ABCB5: variants seen among roughly 807,000 people sequenced by gnomAD.
The protein encoded by ABCB5 is ATP binding cassette subfamily B member 5.
Under a neutral mutation model 144.2 loss-of-function variants are expected in ABCB5, and 155 were observed. That is an observed-to-expected ratio of 1.08 (90% CI 0.94 to 1.23). The LOEUF (loss-of-function observed/expected upper bound fraction) is 1.23. ABCB5 is among the 50% of genes most tolerant of loss of function. The probability of loss-of-function intolerance (pLI) is 0.00; values close to 1 mark genes in which losing one functional copy is unlikely to be tolerated. For synonymous variants in ABCB5, 610 were observed against 528.6 expected, an observed-to-expected ratio of 1.15 and a Z score of -2.11; for missense variants, 1,830 against 1,520.8, an observed-to-expected ratio of 1.20 and a Z score of -3.38.
intron 13 of ABCB5, among the ~76,000 whole-genome samples, chr7:20,654,599 A>C (rs1200640601): frequency 6.6e-6 from 1 of 152,246 alleles, no homozygotes; most frequent in East Asian, 1.9e-4. Context: ...CTGGGCCATC[A>C]AAACAAACAA....
intron 26 of ABCB5, among the ~76,000 whole-genome samples, chr7:20,748,928 G>T (rs1782821381): frequency 6.6e-6 from 1 of 152,118 alleles, no homozygotes; most frequent in African/African-American, 2.4e-5. Context: ...ATTGAATTGT[G>T]TCACACTTTG....
At chr7:20,746,572 C>T (rs917467257) in intron 26 of ABCB5, among the ~76,000 whole-genome samples, 1 of 152,200 alleles carries the variant, frequency 6.6e-6, no homozygotes, top group East Asian at 1.9e-4. Context: ...TGTTTCCCTT[C>T]CCCACTAGAG....
At position 20,755,877 on chromosome 7, in the gene ABCB5, T is replaced by A; in HGVS notation, c.*253T>A. 3 of 409,182 alleles carry A rather than the reference T, an allele frequency of 7.3e-6. No individual in the cohort carries two copies. In the South Asian group the frequency reaches 1.1e-4, roughly 15 times the overall value. The allele number at this position is 409,182 out of a possible 1,614,324, so 25.3% of individuals were successfully genotyped here. On this transcript the variant is annotated 3_prime_UTR_variant, in exon 28 of 28. Coordinates refer to ENST00000404938, the MANE Select transcript of ABCB5 (RefSeq NM_001163941.2). ...TATAAAACTATTCTAGCACATTTGC[T>A]TGTAAAGCAGTTTTCTACAAGGTGA...
chr7:20,707,519 A>G (rs978263224), intron 20 of ABCB5, among the ~76,000 whole-genome samples: 1 of 152,220 alleles, frequency 6.6e-6, no homozygotes, highest in African/African-American at 2.4e-5. Flanking sequence ...CAATTCTGTA[A>G]AATTACAAGG....
intron 16 of ABCB5, among the ~76,000 whole-genome samples, chr7:20,697,893 G>C (rs1185711810): frequency 6.6e-6 from 1 of 152,120 alleles, no homozygotes; most frequent in East Asian, 1.9e-4. Flanking sequence ...GCAATATTTT[G>C]CTTGTAAATA....
At chr7:20,688,856 A>G (rs1786101556) in intron 16 of ABCB5, among the ~76,000 whole-genome samples, 1 of 152,122 alleles carries the variant, frequency 6.6e-6, no homozygotes, top group Non-Finnish European at 1.5e-5. Flanking sequence ...TTTCTCAGCA[A>G]ACTAACAAGG....
At chr7:20,634,731 T>G (rs1487214245) in intron 5 of ABCB5, among the ~76,000 whole-genome samples, 1 of 152,134 alleles carries the variant, frequency 6.6e-6, no homozygotes, top group African/African-American at 2.4e-5. Context: ...TTTTGCCCAC[T>G]TTTTAATGGA....
chr7:20,626,636 C>A (rs901563978), intron 3 of ABCB5, 25 bp downstream of exon 3: 15 of 1,581,166 alleles, frequency 9.5e-6, no homozygotes, highest in African/African-American at 1.3e-5. Context: ...TTAGAAAGTA[C>A]ATGCATTAGA....
At chr7:20,705,968 G>A (rs955466380) in intron 20 of ABCB5, among the ~76,000 whole-genome samples, 2 of 152,084 alleles carry the variant, frequency 1.3e-5, no homozygotes, top group Admixed American at 6.5e-5. Context: ...GAGCTCGAGA[G>A]GAAAGTGGGC....
At chr7:20,697,985 C>T (rs1448187231) in intron 16 of ABCB5, among the ~76,000 whole-genome samples, 5 of 152,150 alleles carry the variant, frequency 3.3e-5, no homozygotes, top group South Asian at 2.1e-4. Context: ...AGTTTGAGAT[C>T]GTAATGAAAC....
At chr7:20,649,100 T>G (rs1342878168) in intron 11 of ABCB5, among the ~76,000 whole-genome samples, 1 of 152,170 alleles carries the variant, frequency 6.6e-6, no homozygotes, top group Non-Finnish European at 1.5e-5. Context: ...GAATGAAATT[T>G]TGGGGGGGTC....
In ABCB5 at chr7:20,722,161, T is replaced by G. The variant is rs143272506; in HGVS notation, c.2422-855T>G. Among the ~76,000 whole-genome samples the G allele has an allele frequency of 8.4e-4, 128 of 152,346 alleles. 3 individuals carry two copies. Among genetic ancestry groups the G allele is most frequent in the Admixed American group, 2.5e-3 (38 of 15,302 alleles). Reference sequence around the variant, plus strand: ...GATTCTGTCATTTTCAAACATCAGCTTTATTACCAAGAACTTATCTGTAAG... The same window carrying G: ...GATTCTGTCATTTTCAAACATCAGCGTTATTACCAAGAACTTATCTGTAAG... On this transcript the variant is annotated intron_variant, in intron 20 of 27. Transcript: ENST00000404938.
At chr7:20,714,988 C>T (rs1781624880) in intron 20 of ABCB5, among the ~76,000 whole-genome samples, 1 of 152,182 alleles carries the variant, frequency 6.6e-6, no homozygotes, top group African/African-American at 2.4e-5. Flanking sequence ...CAAGCTTATA[C>T]ATGAAAACTA....
At chr7:20,619,440 G>A (rs1783761557) in intron 1 of ABCB5, among the ~76,000 whole-genome samples, 1 of 152,118 alleles carries the variant, frequency 6.6e-6, no homozygotes, top group Non-Finnish European at 1.5e-5. Flanking sequence ...CATGATTAGT[G>A]ACGATTAGCA....
At chr7:20,749,221 T>C (rs10253914) in intron 26 of ABCB5, among the ~76,000 whole-genome samples, 39,458 of 82,852 alleles carry the variant, frequency 0.48, 6,899 homozygotes, top group African/African-American at 0.51. Context: ...TCCCTCCCCC[T>C]CTCTCTCTTT....
intron 14 of ABCB5, among the ~76,000 whole-genome samples, chr7:20,669,184 T>G (rs1249693473): frequency 6.9e-6 from 1 of 144,418 alleles, no homozygotes; most frequent in East Asian, 2.2e-4. Context: ...TACTGGGAAG[T>G]GAGGAGCCCC....
At chr7:20,629,868 A>G (rs1303874950) in intron 4 of ABCB5, among the ~76,000 whole-genome samples, 1 of 152,170 alleles carries the variant, frequency 6.6e-6, no homozygotes, top group African/African-American at 2.4e-5. Flanking sequence ...GTTTTTTGGT[A>G]GTAGTTTTTA....
chr7:20,663,343 A>G (rs192712163), intron 14 of ABCB5, among the ~76,000 whole-genome samples: 63 of 152,356 alleles, frequency 4.1e-4, no homozygotes, highest in African/African-American at 1.4e-3. Context: ...AAAACAATCC[A>G]AATGTCTGTT....
intron 14 of ABCB5, among the ~76,000 whole-genome samples, chr7:20,668,522 C>T (rs1171724601): frequency 6.6e-6 from 1 of 151,842 alleles, no homozygotes; most frequent in African/African-American, 2.4e-5. Flanking sequence ...GCCCCTCCGT[C>T]CGGCAGCCAC....
Sources: gnomAD v4.1 joint callset for allele counts (sites outside exome capture counted in the v4.1 genomes callset) on GRCh38, gnomAD v4.1.1 for gene constraint, MANE v1.5 for transcripts, NCBI Gene and HGNC (gene_info 2026-07-23, HGNC 2026-07-21) for gene names.